ALG5: variants seen among roughly 807,000 people sequenced by gnomAD.
The protein encoded by ALG5 is dolichyl-phosphate beta-glucosyltransferase.
In ALG5, 26 loss-of-function variants were observed where a neutral mutation model predicts 51.8. The observed-to-expected ratio is 0.50, with a 90% confidence interval of 0.37 to 0.70. The LOEUF (loss-of-function observed/expected upper bound fraction) is 0.70. Among genes scored for constraint, ALG5 ranks in the 30% least tolerant of loss-of-function variants. The pLI, the probability that ALG5 is intolerant of heterozygous loss-of-function variation, is 0.00. For missense variants in ALG5, 311 were observed against 399.3 expected (o/e 0.78, Z 1.88); for synonymous variants, 141 against 136.1 (o/e 1.04, Z -0.25).
intron 6 of ALG5, among the ~76,000 whole-genome samples, chr13:36,981,900 A>AAC (rs1369843922): frequency 6.6e-6 from 1 of 152,194 alleles, no homozygotes; most frequent in Non-Finnish European, 1.5e-5. Context: ...CATCCTGGCT[A>AAC]ACACGGTGAA....
chr13:36,984,934 G>C (rs1443483877), intron 6 of ALG5, among the ~76,000 whole-genome samples: 1 of 152,124 alleles, frequency 6.6e-6, no homozygotes, highest in African/African-American at 2.4e-5. Context: ...ACCTCAGCAA[G>C]TTTTCTTGCT....
intron 4 of ALG5, among the ~76,000 whole-genome samples, chr13:36,990,556 T>C (rs79805141): frequency 0.046 from 7,053 of 152,282 alleles, 223 homozygotes; most frequent in Non-Finnish European, 0.073. Flanking sequence ...AAAAGCTCAC[T>C]GGGAGTCACT....
chr13:36,975,081 T>C (rs972014592), intron 6 of ALG5, among the ~76,000 whole-genome samples: 7 of 152,126 alleles, frequency 4.6e-5, no homozygotes, highest in African/African-American at 1.4e-4. Context: ...CGTGGTGGCA[T>C]GCGCCTGTAG....
At chr13:36,972,716 G>A (rs2058930063) in intron 6 of ALG5, among the ~76,000 whole-genome samples, 1 of 152,120 alleles carries the variant, frequency 6.6e-6, no homozygotes, top group Non-Finnish European at 1.5e-5. Flanking sequence ...CTTCTGGCCG[G>A]GCGTGGTGGC....
intron 8 of ALG5, among the ~76,000 whole-genome samples, chr13:36,960,455 A>G (rs1169225812): frequency 6.6e-6 from 1 of 152,190 alleles, no homozygotes; most frequent in Admixed American, 6.5e-5. Context: ...ATAAAATTAT[A>G]ACACTGATTA....
chr13:36,961,443 A>G lies in ALG5; in HGVS notation c.773+4132T>C, dbSNP rs559152615. On this transcript the variant is annotated intron_variant, in intron 8 of 9. Coordinates refer to ENST00000239891, the MANE Select transcript of ALG5 (RefSeq NM_013338.5). ...AAAAACAAACACATACTATTTACAT[A>G]GCACTTACCTTGTATGAGGTATAAG... 1.6e-4 allele frequency among the ~76,000 whole-genome samples: 24 copies of G among 152,296 alleles called. No individual in the cohort carries two copies. In the South Asian group the frequency reaches 5.0e-3, roughly 32 times the overall value.
rs146276911 is a variant in ALG5, at chr13:36,971,980, A to G, written c.618T>C (p.Ala206=). The G allele has an allele frequency of 1.2e-5, 20 of 1,604,600 alleles. No individual in the cohort carries two copies. The highest frequency in any genetic ancestry group is 5.3e-5 in the African/African-American group (4 of 74,820). The change falls in exon 7 of 10, where the codon GCT becomes GCC. Residue 206 remains alanine (A), a synonymous_variant. Coordinates refer to ENST00000239891, the MANE Select transcript of ALG5 (RefSeq NM_013338.5). Reference sequence around the variant, plus strand: ...ATGCCAATTAATGAAGTCTCACCTGAGCAATTGATTCTTTTTCTAAATGAG... The same window carrying G: ...ATGCCAATTAATGAAGTCTCACCTGGGCAATTGATTCTTTTTCTAAATGAG... ...SRAHLEKESI[A]QRSYFRTLLM... is the part of the protein sequence containing the mutation.
chr13:36,976,005 T>C (rs2058948742), intron 6 of ALG5, among the ~76,000 whole-genome samples: 1 of 151,936 alleles, frequency 6.6e-6, no homozygotes, highest in Admixed American at 6.6e-5. Context: ...AACATGTTAC[T>C]TACATTCCCA....
intron 7 of ALG5, among the ~76,000 whole-genome samples, chr13:36,966,963 C>T (rs1044475151): frequency 1.3e-5 from 2 of 151,984 alleles, no homozygotes; most frequent in Non-Finnish European, 2.9e-5. Flanking sequence ...TGGCTCACAC[C>T]TGTAATCCCA....
At chr13:36,952,170 A>G (rs2058821287) in intron 9 of ALG5, among the ~76,000 whole-genome samples, 1 of 152,350 alleles carries the variant, frequency 6.6e-6, no homozygotes, top group South Asian at 2.1e-4. Context: ...TAAAAAAAAT[A>G]TAGGAAATGG....
At chr13:36,959,720 C>A (rs1340096473) in intron 8 of ALG5, among the ~76,000 whole-genome samples, 2 of 151,992 alleles carry the variant, frequency 1.3e-5, no homozygotes, top group Non-Finnish European at 2.9e-5. Context: ...TGACTATAAT[C>A]CTTTCTCTAC....
chr13:36,955,686 G>GAAAAAAAAAAAAAAAAAAAAA, intron 8 of ALG5, among the ~76,000 whole-genome samples: 1 of 36,476 alleles, frequency 2.7e-5, no homozygotes, highest in Non-Finnish European at 6.9e-5. Flanking sequence ...CAGAGATTGT[G>GAAAAAAAAAAAAAAAAAAAAA]AAAAAAAAAA....
chr13:36,991,526 C>T lies in ALG5; in HGVS notation c.355-1950G>A, dbSNP rs577443728. On this transcript the variant is annotated intron_variant, in intron 4 of 9. Transcript: ENST00000239891. ...CTGCCAAACCAGCAAACAGTGCCTC[C>T]TTCTTTGCTGTTATGGCCCCAATAA... Among the ~76,000 whole-genome samples the T allele has an allele frequency of 2.0e-5, 3 of 152,068 alleles. No homozygotes were observed. In the South Asian group the frequency reaches 6.2e-4, roughly 31 times the overall value.
chr13:36,964,469 G>A (rs978300421), intron 8 of ALG5, among the ~76,000 whole-genome samples: 1 of 152,184 alleles, frequency 6.6e-6, no homozygotes, highest in Non-Finnish European at 1.5e-5. Context: ...TGCATGTGGA[G>A]AATGTCAGGG....
intron 6 of ALG5, among the ~76,000 whole-genome samples, chr13:36,978,034 G>C (rs1245326625): frequency 6.6e-6 from 1 of 150,736 alleles, no homozygotes; most frequent in Non-Finnish European, 1.5e-5. Context: ...TTACAGGCAC[G>C]TGGCACCATG....
At position 36,995,480 on chromosome 13, in the gene ALG5, G is replaced by T. The variant is rs1173903431; in HGVS notation, c.183C>A (p.Asp61Glu). The T allele has an allele frequency of 6.2e-7, 1 of 1,612,792 alleles. No individual in the cohort carries two copies. The highest frequency in any genetic ancestry group is 1.7e-5 in the Admixed American group (1 of 59,736). ...GQKETLPSIW[D>E]SPTKQLSVVV... is the part of the protein sequence containing the mutation. The stretch of plus-strand genomic sequence containing the variant: ...CGACAGAAAGTTGTTTGGTAGGTGA[G>T]TCCCATATGCTGGGTAAAGTTTCTT... The change falls in exon 2 of 10, where the codon GAC becomes GAA. Residue 61 changes from aspartate to glutamate, a missense_variant. By Grantham distance (45) the Asp-to-Glu change is conservative. Coordinates refer to ENST00000239891, the MANE Select transcript of ALG5 (RefSeq NM_013338.5).
intron 6 of ALG5, 107 bp downstream of exon 6, chr13:36,985,520 C>G (rs921755704): frequency 6.4e-6 from 5 of 785,978 alleles, no homozygotes. Context: ...GGATTTCATA[C>G]CAAAAACACT....
intron 1 of ALG5, among the ~76,000 whole-genome samples, chr13:36,998,074 T>G (rs957186151): frequency 7.2e-5 from 11 of 152,148 alleles, no homozygotes; most frequent in African/African-American, 2.7e-4. Flanking sequence ...AAATGGTAGC[T>G]CTTATCACTT....
intron 8 of ALG5, 104 bp downstream of exon 8, chr13:36,965,471 G>C: frequency 8.3e-7 from 1 of 1,199,758 alleles, no homozygotes; most frequent in Non-Finnish European, 1.2e-6. Context: ...TGTCAATTTT[G>C]TTTAAATCTA....
Sources: allele counts gnomAD v4.1 joint callset (sites outside exome capture counted in the v4.1 genomes callset), GRCh38; gene constraint gnomAD v4.1.1; transcripts MANE v1.5; gene names NCBI Gene and HGNC (gene_info 2026-07-23, HGNC 2026-07-21).